PDZD2: variants seen among roughly 807,000 people sequenced by gnomAD.
PDZD2 encodes the protein PDZ domain-containing protein 2.
In PDZD2, 90 loss-of-function variants were observed where a neutral mutation model predicts 220.7. The observed-to-expected ratio is 0.41, with a 90% CI of 0.34 to 0.49. The LOEUF (loss-of-function observed/expected upper bound fraction) is 0.49, where lower values mean the gene tolerates loss of function less well. Among genes scored for constraint, PDZD2 ranks in the 20% least tolerant of loss-of-function variants. The pLI is 0.28. For synonymous variants in PDZD2, 1,375 were observed against 1,450.5 expected (o/e 0.95, Z 1.18); for missense variants, 3,174 against 3,608.5 (o/e 0.88, Z 3.08).
At chr5:31,691,614 G>T in intron 1 of PDZD2, among the ~76,000 whole-genome samples, 1 of 151,266 alleles carries the variant, frequency 6.6e-6, no homozygotes. Flanking sequence ...CTCTTATCTG[G>T]CCCCTGCTGA....
chr5:31,804,511 T>C (rs1754597197), intron 2 of PDZD2, among the ~76,000 whole-genome samples: 1 of 152,148 alleles, frequency 6.6e-6, no homozygotes, highest in African/African-American at 2.4e-5. Context: ...CGACCACAAT[T>C]CCATAAAGGA....
At chr5:31,941,437 G>T (rs1250416534) in intron 2 of PDZD2, among the ~76,000 whole-genome samples, 1 of 152,192 alleles carries the variant, frequency 6.6e-6, no homozygotes, top group African/African-American at 2.4e-5. Flanking sequence ...AAGACCTGGA[G>T]GGGAAACAGA....
At position 31,908,082 on chromosome 5, in the gene PDZD2, C is replaced by CAAAAAAAA. The variant is rs55741622; in HGVS notation, c.477-75054_477-75047dup. Among the ~76,000 whole-genome samples the CAAAAAAAA allele has an allele frequency of 1.3e-3, 103 of 76,892 alleles. 1 individual carries two copies. Among genetic ancestry groups the CAAAAAAAA allele is most frequent in the African/African-American group, 5.2e-3 (95 of 18,374 alleles). 50.4% of individuals were successfully genotyped at this position (76,892 alleles called of 152,430 possible). A position where few individuals can be genotyped will look rare whatever the true frequency, so the allele number is the denominator to read the frequency against. On this transcript the variant is annotated intron_variant, in intron 2 of 24. Transcript: ENST00000438447. ...TGGGTGACAGAGCCAGGCTCCGTCT[C>CAAAAAAAA]AAAAAAAAAAAAAAAAAAAAAAAAA... is the stretch of plus-strand genomic sequence containing the variant.
At chr5:31,869,676 G>A (rs1034719528) in intron 2 of PDZD2, among the ~76,000 whole-genome samples, 3 of 152,184 alleles carry the variant, frequency 2.0e-5, no homozygotes, top group Non-Finnish European at 4.4e-5. Context: ...AATAGGTAGT[G>A]ACGGGGACTC....
chr5:31,641,137 G>A (rs1005005939), intron 1 of PDZD2, among the ~76,000 whole-genome samples: 1 of 152,150 alleles, frequency 6.6e-6, no homozygotes, highest in Non-Finnish European at 1.5e-5. Context: ...GAGGCTTCGA[G>A]GTTCCAGGAT....
intron 14 of PDZD2, among the ~76,000 whole-genome samples, chr5:32,061,648 C>T (rs1739699002): frequency 6.6e-6 from 1 of 152,156 alleles, no homozygotes; most frequent in South Asian, 2.1e-4. Flanking sequence ...CTTGATGACT[C>T]ACACTGGTAA....
At chr5:31,950,466 C>T (rs985309658) in intron 2 of PDZD2, among the ~76,000 whole-genome samples, 1 of 152,182 alleles carries the variant, frequency 6.6e-6, no homozygotes, top group African/African-American at 2.4e-5. Flanking sequence ...TATGGGAAGA[C>T]AGGGTGAGGA....
intron 2 of PDZD2, among the ~76,000 whole-genome samples, chr5:31,904,889 T>C (rs938080731): frequency 6.6e-6 from 1 of 152,228 alleles, no homozygotes; most frequent in African/African-American, 2.4e-5. Context: ...ATGTTGCTGC[T>C]TGTGTTTCAA....
intron 1 of PDZD2, among the ~76,000 whole-genome samples, chr5:31,666,461 G>T (rs972022569): frequency 6.6e-6 from 1 of 152,196 alleles, no homozygotes; most frequent in Non-Finnish European, 1.5e-5. Context: ...CGCCTTTTGC[G>T]ATTATTTTGA....
chr5:32,062,443 G>T (rs1739776328), intron 14 of PDZD2, among the ~76,000 whole-genome samples: 1 of 150,230 alleles, frequency 6.7e-6, no homozygotes. Flanking sequence ...ACCCAGGCTG[G>T]AGTGCAATGG....
At chr5:31,896,292 A>ATTG (rs1369436657) in intron 2 of PDZD2, among the ~76,000 whole-genome samples, 1 of 147,096 alleles carries the variant, frequency 6.8e-6, no homozygotes, top group Non-Finnish European at 1.5e-5. Context: ...AGGTGACTTT[A>ATTG]TTGCCTCATC....
intron 1 of PDZD2, among the ~76,000 whole-genome samples, chr5:31,789,572 C>T (rs7707966): frequency 0.22 from 33,333 of 152,186 alleles, 4,670 homozygotes; most frequent in Middle Eastern, 0.3. Flanking sequence ...AGATAGGGCT[C>T]CTTGTGAGCA....
intron 6 of PDZD2, among the ~76,000 whole-genome samples, chr5:32,029,566 T>C (rs1384783147): frequency 6.6e-6 from 1 of 151,616 alleles, no homozygotes; most frequent in African/African-American, 2.4e-5. Context: ...GGCTCGGGGG[T>C]GTGCACATGC....
rs764443864 is a variant in PDZD2 at position 32,108,097 on chromosome 5, G to A, written c.8482G>A (p.Val2828Met). ...TATGAAGTCTGTCCCAGAAGGACCT[G>A]TGCAGTTATTAATTAGAAAGCATAG... ...NIMKSVPEGP[V>M]QLLIRKHRNS... Residue 2828 changes from valine (V) to methionine (M), a missense_variant, in exon 25 of 25, where the codon GTG becomes ATG. Transcript: ENST00000438447. The A allele has an allele frequency of 2.5e-6, 4 of 1,609,860 alleles. No individual in the cohort carries two copies. Among genetic ancestry groups the A allele is most frequent in the African/African-American group, 1.3e-5 (1 of 74,926 alleles).
At chr5:32,009,096 G>T (rs1753083526) in intron 5 of PDZD2, among the ~76,000 whole-genome samples, 1 of 152,140 alleles carries the variant, frequency 6.6e-6, no homozygotes, top group Admixed American at 6.5e-5. Flanking sequence ...TGTAATCTCA[G>T]CACTTTGGGA....
At chr5:31,893,766 T>C (rs751227336) in intron 2 of PDZD2, among the ~76,000 whole-genome samples, 6 of 152,226 alleles carry the variant, frequency 3.9e-5, no homozygotes, top group Non-Finnish European at 7.3e-5. Flanking sequence ...TGTATGTATG[T>C]GTCTGTGTGC....
chr5:32,073,743 G>A (rs1439659962), intron 17 of PDZD2, 89 bp from the exon 18 acceptor site: 11 of 819,004 alleles, frequency 1.3e-5, no homozygotes, highest in East Asian at 2.4e-5. Flanking sequence ...ATGTGGAAAT[G>A]CTTATGTGTA....
chr5:32,107,829 T>C, intron 24 of PDZD2, 140 bp from the exon 25 acceptor site: 1 of 529,588 alleles, frequency 1.9e-6, no homozygotes, highest in East Asian at 3.1e-5. Flanking sequence ...ATATATGCTT[T>C]TTGTGTTCTA....
intron 3 of PDZD2, among the ~76,000 whole-genome samples, chr5:31,994,134 C>T (rs1007637548): frequency 2.6e-5 from 4 of 152,010 alleles, no homozygotes; most frequent in African/African-American, 7.3e-5. Context: ...TCTCCTGCCT[C>T]AGCCTCCTGA....
Sources: allele counts gnomAD v4.1 joint callset (sites outside exome capture counted in the v4.1 genomes callset), GRCh38; gene constraint gnomAD v4.1.1; transcripts MANE v1.5; gene names NCBI Gene and HGNC (gene_info 2026-07-23, HGNC 2026-07-21).